The following PCBD2 variants were observed in gnomAD, a reference collection of about 807,000 sequenced individuals.
PCBD2 encodes pterin-4-alpha-carbinolamine dehydratase 2.
In PCBD2, 12 loss-of-function variants were observed where a neutral mutation model predicts 16.4. That is an observed-to-expected ratio of 0.73 (90% CI 0.47 to 1.19). The LOEUF (loss-of-function observed/expected upper bound fraction) is 1.19. PCBD2 is among the 50% of genes most tolerant of loss of function. The probability of loss-of-function intolerance (pLI) is 0.00; values close to 1 mark genes in which losing one functional copy is unlikely to be tolerated. For missense variants in PCBD2, 138 were observed against 156.8 expected, an observed-to-expected ratio of 0.88 and a Z score of 0.64; for synonymous variants, 58 against 61.8, an observed-to-expected ratio of 0.94 and a Z score of 0.29.
chr5:134,940,984 G>A (rs558018390), intron 2 of PCBD2, among the ~76,000 whole-genome samples: 5 of 152,102 alleles, frequency 3.3e-5, no homozygotes, highest in East Asian at 3.9e-4. Flanking sequence ...GCGTGGTGGC[G>A]CATGCCTGTA....
intron 2 of PCBD2, chr5:134,926,125 G>T (rs539425991): frequency 4.2e-4 from 138 of 329,724 alleles, no homozygotes; most frequent in African/African-American, 2.8e-3. Flanking sequence ...ATTAATGTTT[G>T]GGTCTGAGCT....
rs1275172668 is a variant in PCBD2, at chr5:134,910,412, A to G, written c.162A>G (p.Glu54=). 2 of 1,614,114 alleles carry G rather than the reference A, an allele frequency of 1.2e-6. No homozygotes were observed. The change falls in exon 2 of 4, where the codon GAA becomes GAG. Residue 54 remains glutamate (E), a synonymous_variant. Transcript: ENST00000254908. The part of the protein sequence containing the change: ...ILDLKAAGWS[E]LSERDAIYKE... ...ACCTTAAAGCAGCAGGATGGTCGGA[A>G]TTAAGTGAGAGAGATGCCATCTACA...
intron 2 of PCBD2, among the ~76,000 whole-genome samples, chr5:134,916,370 C>A (rs1249749585): frequency 1.3e-5 from 2 of 151,962 alleles, no homozygotes; most frequent in African/African-American, 4.8e-5. Flanking sequence ...TTTTTCAGTT[C>A]TTTAGTCTTT....
At chr5:134,944,320 C>T (rs571545672) in intron 2 of PCBD2, among the ~76,000 whole-genome samples, 9 of 152,260 alleles carry the variant, frequency 5.9e-5, no homozygotes, top group Middle Eastern at 3.4e-3. Context: ...CAGAAATGAA[C>T]ATGGTCAATG....
intron 2 of PCBD2, among the ~76,000 whole-genome samples, chr5:134,915,033 A>G (rs1319422552): frequency 2.6e-5 from 4 of 152,136 alleles, no homozygotes. Flanking sequence ...CTCACATACC[A>G]GAGCCGGGCG....
chr5:134,937,485 G>T (rs1379266727), intron 2 of PCBD2, among the ~76,000 whole-genome samples: 1 of 152,164 alleles, frequency 6.6e-6, no homozygotes, highest in Admixed American at 6.6e-5. Context: ...GTTGGAAAGA[G>T]GCAAAGAAGA....
chr5:134,936,663 A>C (rs1260395230), intron 2 of PCBD2, among the ~76,000 whole-genome samples: 1 of 152,192 alleles, frequency 6.6e-6, no homozygotes, highest in African/African-American at 2.4e-5. Flanking sequence ...TAAAGGTATC[A>C]GTTAATGTTC....
chr5:134,938,920 TAAAG>T (rs1751192821), intron 2 of PCBD2, among the ~76,000 whole-genome samples: 1 of 152,182 alleles, frequency 6.6e-6, no homozygotes, highest in Non-Finnish European at 1.5e-5. Context: ...AGCTTTTAAA[TAAAG>T]CAGGGCCTAG....
At chr5:134,954,832 C>T (rs1033380989) in intron 2 of PCBD2, among the ~76,000 whole-genome samples, 3 of 151,854 alleles carry the variant, frequency 2.0e-5, no homozygotes, top group African/African-American at 7.3e-5. Flanking sequence ...ACCTCTGCCT[C>T]CTGGGTTCCA....
At chr5:134,947,908 A>G (rs1751317139) in intron 2 of PCBD2, among the ~76,000 whole-genome samples, 4 of 151,968 alleles carry the variant, frequency 2.6e-5, no homozygotes, top group African/African-American at 7.2e-5. Context: ...AATACCTCTC[A>G]CCTCATAAGA....
chr5:134,953,707 A>G (rs2149540276), intron 2 of PCBD2, among the ~76,000 whole-genome samples: 1 of 152,246 alleles, frequency 6.6e-6, no homozygotes, highest in African/African-American at 2.4e-5. Flanking sequence ...AGGCTGAGGC[A>G]GGAGAATTGC....
chr5:134,913,980 A>T lies in PCBD2; in HGVS notation c.216+3514A>T, dbSNP rs146933592. On this transcript the variant is annotated intron_variant, in intron 2 of 3. Transcript: ENST00000254908. ...ATGGAGGTGAGAATCCTGTTTTCACATGTCAGGTTTGAGGTACTTATTAGT... is the reference window on the plus strand; with the variant it reads ...ATGGAGGTGAGAATCCTGTTTTCACTTGTCAGGTTTGAGGTACTTATTAGT... Among the ~76,000 whole-genome samples the T allele has an allele frequency of 1.2e-3, 185 of 152,250 alleles. 1 individual carries two copies. Among genetic ancestry groups the T allele is most frequent in the African/African-American group, 3.5e-3 (144 of 41,548 alleles).
rs1181279412 is a variant in PCBD2, at chr5:134,910,441, A to G, written c.191A>G (p.Glu64Gly). 1 of 1,614,056 alleles carries G rather than the reference A, an allele frequency of 6.2e-7. No homozygotes were observed. Among genetic ancestry groups the G allele is most frequent in the Non-Finnish European group, 8.5e-7 (1 of 1,179,996 alleles). The change falls in exon 2 of 4, where the codon GAA (glutamate) becomes GGA (glycine). Residue 64 changes from glutamate to glycine, a missense_variant. Physicochemically the swap from Glu to Gly is moderately conservative, Grantham distance 98 (BLOSUM62 -2). Transcript: ENST00000254908. ...ELSERDAIYK[E>G]FSFHNFNQAF... ...AGTGAGAGAGATGCCATCTACAAAG[A>G]ATTCTCCTTCCACAATTTTAATCAG...
intron 1 of PCBD2, among the ~76,000 whole-genome samples, chr5:134,906,126 G>A (rs957886514): frequency 3.3e-5 from 5 of 151,178 alleles, no homozygotes; most frequent in African/African-American, 4.9e-5. Context: ...TACCTGCCTC[G>A]GCCTCCCAAA....
At chr5:134,940,195 TTTAAAG>T (rs1044861461) in intron 2 of PCBD2, among the ~76,000 whole-genome samples, 3 of 152,156 alleles carry the variant, frequency 2.0e-5, no homozygotes, top group African/African-American at 4.8e-5. Context: ...CCCAGAGAGA[TTTAAAG>T]TTAAAGCAGA....
At chr5:134,925,865 G>T (rs1750986074) in intron 2 of PCBD2, 1 of 393,902 alleles carries the variant, frequency 2.5e-6, no homozygotes, top group Non-Finnish European at 4.5e-6. Flanking sequence ...GTTATTTGTT[G>T]TGGGTCTCAT....
intron 2 of PCBD2, among the ~76,000 whole-genome samples, chr5:134,916,326 C>G (rs893043997): frequency 6.6e-6 from 1 of 152,042 alleles, no homozygotes; most frequent in East Asian, 1.9e-4. Context: ...TTAAAAAATT[C>G]ATTTTGTTTG....
rs534721401 is a variant in PCBD2 at position 134,946,603 on chromosome 5, A to T, written c.217-12437A>T. Among the ~76,000 whole-genome samples, 5 of 152,364 alleles carry T rather than the reference A, an allele frequency of 3.3e-5. No individual in the cohort carries two copies. The East Asian group carries it at 9.6e-4, about 29-fold the overall frequency. On this transcript the variant is annotated intron_variant, in intron 2 of 3. Transcript: ENST00000254908. ...AGAAAGGATAAACATGATTTCATTGATGGTGTGCAACTGCTTTAGAACATC... is the reference window on the plus strand; with the variant it reads ...AGAAAGGATAAACATGATTTCATTGTTGGTGTGCAACTGCTTTAGAACATC...
At chr5:134,925,134 G>A in intron 2 of PCBD2, 1 of 397,934 alleles carries the variant, frequency 2.5e-6, no homozygotes, top group Non-Finnish European at 4.4e-6. Context: ...TTTCGTTAAT[G>A]TTAGTGAGGG....
Sources: gnomAD v4.1 joint callset for allele counts (sites outside exome capture counted in the v4.1 genomes callset) on GRCh38, gnomAD v4.1.1 for gene constraint, MANE v1.5 for transcripts, NCBI Gene and HGNC (gene_info 2026-07-23, HGNC 2026-07-21) for gene names.